COQ8A: variants seen among roughly 807,000 people sequenced by gnomAD.
COQ8A encodes the protein coenzyme Q8A.
A neutral mutation model predicts 65.0 loss-of-function variants in COQ8A; 51 were observed. The observed-to-expected ratio is 0.78, with a 90% CI of 0.63 to 0.99. COQ8A has a LOEUF of 0.99. Ranked by LOEUF, COQ8A falls within the 50% of genes least tolerant of loss-of-function variation. The pLI is 0.00. For missense variants in COQ8A, 940 were observed against 875.0 expected (o/e 1.07, Z -0.94); for synonymous variants, 371 against 353.2 (o/e 1.05, Z -0.57).
At chr1:226,957,028 G>A (rs116360423) in intron 1 of COQ8A, among the ~76,000 whole-genome samples, 1,433 of 119,618 alleles carry the variant, frequency 0.012, 77 homozygotes, top group African/African-American at 0.046. Context: ...CCACTCCCTC[G>A]TTCACACTCT....
At chr1:226,957,866 G>A (rs770012550) in intron 1 of COQ8A, among the ~76,000 whole-genome samples, 5 of 152,058 alleles carry the variant, frequency 3.3e-5, no homozygotes, top group Admixed American at 6.5e-5. Context: ...TCCCCGAGTC[G>A]GAGCCTTGTC....
intron 4 of COQ8A, among the ~76,000 whole-genome samples, chr1:226,974,495 G>A (rs956815945): frequency 1.3e-5 from 2 of 152,202 alleles, no homozygotes; most frequent in African/African-American, 4.8e-5. Flanking sequence ...GTGCCGAGTG[G>A]GGTCCCACGA....
At chr1:226,978,065 C>T (rs540891618) in intron 5 of COQ8A, among the ~76,000 whole-genome samples, 9 of 147,512 alleles carry the variant, frequency 6.1e-5, no homozygotes, top group South Asian at 4.5e-4. Context: ...ACCGAACACC[C>T]GCACACCTTA....
Position 226,987,157 on chromosome 1 carries a change from T to C in COQ8A, c.*420T>C, listed in dbSNP as rs1039852812. 9.6e-6 allele frequency: 2 copies of C among 208,650 alleles called. No homozygotes were observed. The highest frequency in any genetic ancestry group is 4.7e-5 in the African/African-American group (2 of 42,882). 12.9% of individuals were successfully genotyped at this position (208,650 alleles called of 1,614,324 possible). A position where few individuals can be genotyped will look rare whatever the true frequency, so the allele number is the denominator to read the frequency against. On this transcript the variant is annotated 3_prime_UTR_variant, in exon 15 of 15. Coordinates refer to ENST00000366777, the MANE Select transcript of COQ8A (RefSeq NM_020247.5). ...CTGTGTAGTAGGTGTGTGTATGTGT[T>C]TCTAGAGTGAGATTTGTGTTTTCTG...
At chr1:226,954,441 T>A (rs1390981767) in intron 1 of COQ8A, among the ~76,000 whole-genome samples, 1 of 152,232 alleles carries the variant, frequency 6.6e-6, no homozygotes, top group African/African-American at 2.4e-5. Flanking sequence ...ACCTGCAGTG[T>A]CAGCAGCACC....
At chr1:226,985,053 T>C in intron 13 of COQ8A, 112 bp downstream of exon 13, 1 of 1,396,030 alleles carries the variant, frequency 7.2e-7, no homozygotes, top group Non-Finnish European at 1.0e-6. Context: ...TGTCCCCATC[T>C]GCGCTGCCTG....
intron 2 of COQ8A, 117 bp from the exon 3 acceptor site, chr1:226,964,883 C>A: frequency 8.1e-7 from 1 of 1,232,528 alleles, no homozygotes; most frequent in Non-Finnish European, 1.2e-6. Context: ...TGTGCCACCT[C>A]TGGAGGTGGG....
intron 4 of COQ8A, chr1:226,974,890 T>A (rs76108582): frequency 1.3e-5 from 2 of 152,908 alleles, no homozygotes; most frequent in African/African-American, 2.4e-5. Flanking sequence ...AGAGAACAGT[T>A]TGAGGGGGGT....
At chr1:226,943,771 A>G (rs1656833122) in intron 1 of COQ8A, among the ~76,000 whole-genome samples, 1 of 152,182 alleles carries the variant, frequency 6.6e-6, no homozygotes, top group South Asian at 2.1e-4. Context: ...ACAAACGCAC[A>G]TAGTCACATA....
chr1:226,960,133 GGTGGTGGTACTTGGTGGTA>G (rs1227436207), intron 1 of COQ8A, among the ~76,000 whole-genome samples: 38 of 150,168 alleles, frequency 2.5e-4, no homozygotes, highest in African/African-American at 8.6e-4. Flanking sequence ...GGTACTTGGT[GGTGGTGGTACTTGGTGGTA>G]GTGGTGGTAC....
chr1:226,977,256 C>T (rs1295523079), intron 4 of COQ8A, 193 bp from the exon 5 acceptor site: 6 of 591,288 alleles, frequency 1.0e-5, no homozygotes, highest in South Asian at 4.1e-5. Flanking sequence ...ACACCTACCT[C>T]GAGCCAAATG....
intron 4 of COQ8A, among the ~76,000 whole-genome samples, chr1:226,966,322 G>A (rs749663358): frequency 7.9e-5 from 12 of 152,302 alleles, no homozygotes; most frequent in Non-Finnish European, 5.9e-5. Flanking sequence ...GTACACATGC[G>A]CTCTTTTTAT....
chr1:226,977,862 C>A (rs916136626), intron 5 of COQ8A, among the ~76,000 whole-genome samples: 1 of 150,580 alleles, frequency 6.6e-6, no homozygotes, highest in African/African-American at 2.5e-5. Flanking sequence ...CCCCTGCACA[C>A]CCACCGAACA....
At chr1:226,974,605 A>G (rs939411270) in intron 4 of COQ8A, among the ~76,000 whole-genome samples, 10 of 152,260 alleles carry the variant, frequency 6.6e-5, no homozygotes, top group African/African-American at 2.2e-4. Context: ...TTCCTGAGCA[A>G]TGCGCTGAGT....
chr1:226,962,522 C>A (rs551853734), intron 2 of COQ8A, among the ~76,000 whole-genome samples: 93 of 152,298 alleles, frequency 6.1e-4, no homozygotes, highest in African/African-American at 2.1e-3. Flanking sequence ...TGCGCGTGTG[C>A]ACCTGTGTGT....
chr1:226,969,977 T>C (rs1658788518), intron 4 of COQ8A, among the ~76,000 whole-genome samples: 1 of 151,346 alleles, frequency 6.6e-6, no homozygotes, highest in Non-Finnish European at 1.5e-5. Flanking sequence ...TGCGTCTCTC[T>C]TTTTTTTTGG....
chr1:226,975,067 G>A (rs1397698726), intron 4 of COQ8A: 2 of 152,276 alleles, frequency 1.3e-5, no homozygotes, highest in Non-Finnish European at 2.9e-5. Flanking sequence ...GACACAGAGA[G>A]ACATTGGTGA....
chr1:226,981,512 G>C (rs2777833), intron 5 of COQ8A, among the ~76,000 whole-genome samples: 136,915 of 152,312 alleles, frequency 0.9, 61,593 homozygotes, highest in African/African-American at 0.91. Context: ...CCTGAGCGCC[G>C]TTCCCTTGAG....
intron 1 of COQ8A, among the ~76,000 whole-genome samples, chr1:226,960,329 T>G (rs1257996851): frequency 0.015 from 16 of 1,056 alleles, no homozygotes; most frequent in South Asian, 0.036. Context: ...GGTGGTGGTA[T>G]CAGTGGTACT....
Sources: gnomAD v4.1 joint callset for allele counts (sites outside exome capture counted in the v4.1 genomes callset) on GRCh38, gnomAD v4.1.1 for gene constraint, MANE v1.5 for transcripts, NCBI Gene and HGNC (gene_info 2026-07-23, HGNC 2026-07-21) for gene names.